KLRC1: variants seen among roughly 807,000 people sequenced by gnomAD.
The protein encoded by KLRC1 is NKG2-A/NKG2-B type II integral membrane protein.
In KLRC1, 22 loss-of-function variants were observed where a neutral mutation model predicts 25.9. The observed-to-expected ratio is 0.85, with a 90% CI of 0.61 to 1.21. The LOEUF (loss-of-function observed/expected upper bound fraction) is 1.21, where lower values mean the gene tolerates loss of function less well. Ranked by LOEUF, KLRC1 falls within the 50% of genes most tolerant of loss-of-function variation. The probability of loss-of-function intolerance (pLI) is 0.00; values close to 1 mark genes in which losing one functional copy is unlikely to be tolerated. For synonymous variants in KLRC1, 77 were observed against 93.1 expected, an observed-to-expected ratio of 0.83 and a Z score of 0.99; for missense variants, 240 against 272.2, an observed-to-expected ratio of 0.88 and a Z score of 0.83.
rs532389319 is a variant in KLRC1, at chr12:10,446,512, C to T, written c.*39G>A. 2 of 1,562,264 alleles carry T rather than the reference C, an allele frequency of 1.3e-6. No homozygotes were observed. Among genetic ancestry groups the T allele is most frequent in the African/African-American group, 1.4e-5 (1 of 73,058 alleles). On this transcript the variant is annotated 3_prime_UTR_variant, in exon 7 of 7. Coordinates refer to ENST00000359151, the MANE Select transcript of KLRC1 (RefSeq NM_002259.5). ...ATATATTTCTATTTTAAGAAATATA[C>T]AATTTATCTGATGCACTGCAAATGC...
chr12:10,449,460 C>T lies in KLRC1; in HGVS notation c.338-72G>A, dbSNP rs914712767. The T allele has an allele frequency of 4.4e-6, 7 of 1,584,038 alleles. No individual in the cohort carries two copies. In the Admixed American group the frequency reaches 1.3e-4, roughly 28 times the overall value. On this transcript the variant is annotated intron_variant, in intron 4 of 6. Coordinates refer to ENST00000359151, the MANE Select transcript of KLRC1 (RefSeq NM_002259.5). ...AAATGAAAATTAGTTCACATATTTG[C>T]AAACATATAAACCTATACGTATGCA...
At chr12:10,448,079 T>C (rs1864031564) in intron 5 of KLRC1, among the ~76,000 whole-genome samples, 1 of 152,198 alleles carries the variant, frequency 6.6e-6, no homozygotes, top group Non-Finnish European at 1.5e-5. Flanking sequence ...CTTTTTTATC[T>C]GATTTGGTTT....
chr12:10,447,050 GA>G (rs918672582), intron 6 of KLRC1, among the ~76,000 whole-genome samples: 3 of 152,074 alleles, frequency 2.0e-5, no homozygotes, highest in Non-Finnish European at 4.4e-5. Flanking sequence ...ATATTCTTAA[GA>G]AAAAAAGTAA....
rs560652029 is a variant in KLRC1 at position 10,450,546 on chromosome 12, C to T, written c.221G>A (p.Gly74Glu). Reference sequence around the variant, plus strand: ...GATAAGACAGATAATTCCCAGGATCCCAACAATGAGCTTCTCTGGAGCTGA... The same window carrying T: ...GATAAGACAGATAATTCCCAGGATCTCAACAATGAGCTTCTCTGGAGCTGA... ...LPSAPEKLIVGILGIICLILM... is the reference protein window; with the variant it reads ...LPSAPEKLIVEILGIICLILM... The change falls in exon 3 of 7, where the codon GGG (glycine) becomes GAG (glutamate). Residue 74 changes from glycine (G) to glutamate (E), a missense_variant. Coordinates refer to ENST00000359151, the MANE Select transcript of KLRC1 (RefSeq NM_002259.5). 1.2e-6 allele frequency: 2 copies of T among 1,611,300 alleles called. No homozygotes were observed. The highest frequency in any genetic ancestry group is 1.3e-5 in the African/African-American group (1 of 74,932).
At chr12:10,448,265 G>A (rs1282096346) in intron 5 of KLRC1, among the ~76,000 whole-genome samples, 1 of 152,178 alleles carries the variant, frequency 6.6e-6, no homozygotes, top group Non-Finnish European at 1.5e-5. Context: ...GATCAACCAA[G>A]TGTCCGAGCG....
intron 3 of KLRC1, 100 bp downstream of exon 3, chr12:10,450,384 T>C: frequency 1.5e-6 from 1 of 686,264 alleles, no homozygotes; most frequent in South Asian, 1.9e-5. Flanking sequence ...AATATATACA[T>C]TACAATGAGA....
intron 1 of KLRC1, among the ~76,000 whole-genome samples, chr12:10,451,467 C>T (rs892466077): frequency 6.6e-6 from 1 of 152,196 alleles, no homozygotes. Flanking sequence ...ACCATCCTGG[C>T]TAACACGGTG....
rs750018164 is a variant in KLRC1 at position 10,450,529 on chromosome 12, A to G, written c.238T>C (p.Cys80Arg). The change falls in exon 3 of 7, where the codon TGT becomes CGT. Residue 80 changes from cysteine (C) to arginine (R), a missense_variant. Coordinates refer to ENST00000359151, the MANE Select transcript of KLRC1 (RefSeq NM_002259.5). ...ACCACAGAGGCCATTAAGATAAGACAGATAATTCCCAGGATCCCAACAATG... is the reference window on the plus strand; with the variant it reads ...ACCACAGAGGCCATTAAGATAAGACGGATAATTCCCAGGATCCCAACAATG... ...KLIVGILGII[C>R]LILMASVVTI... 6.2e-7 allele frequency: 1 copy of G among 1,611,874 alleles called. No homozygotes were observed. The highest frequency in any genetic ancestry group is 8.5e-7 in the Non-Finnish European group (1 of 1,178,056).
chr12:10,450,553 T>C lies in KLRC1; in HGVS notation c.214A>G (p.Ile72Val), dbSNP rs778954098. 3 of 1,609,050 alleles carry C rather than the reference T, an allele frequency of 1.9e-6. No individual in the cohort carries two copies. The highest frequency in any genetic ancestry group is 2.6e-6 in the Non-Finnish European group (3 of 1,175,738). The change falls in exon 3 of 7, where the codon ATT (isoleucine) becomes GTT (valine). Residue 72 changes from isoleucine to valine, a missense_variant. Coordinates refer to ENST00000359151, the MANE Select transcript of KLRC1 (RefSeq NM_002259.5). ...CAGATAATTCCCAGGATCCCAACAA[T>C]GAGCTTCTCTGGAGCTGATGGTAAA... ...KDLPSAPEKL[I>V]VGILGIICLI... is the part of the protein sequence containing the mutation.
chr12:10,448,336 C>A (rs998831177), intron 5 of KLRC1, among the ~76,000 whole-genome samples: 1 of 152,166 alleles, frequency 6.6e-6, no homozygotes, highest in African/African-American at 2.4e-5. Flanking sequence ...TTCCCTACAC[C>A]CAACCTGGCA....
At chr12:10,451,341 T>C in intron 1 of KLRC1, 154 bp from the exon 2 acceptor site, 1 of 453,472 alleles carries the variant, frequency 2.2e-6, no homozygotes, top group Non-Finnish European at 3.6e-6. Flanking sequence ...CTAAACACGT[T>C]TCTTATGAAT....
At position 10,451,173 on chromosome 12, in the gene KLRC1, G is replaced by A; in HGVS notation, c.-17C>T. 3 of 1,603,108 alleles carry A rather than the reference G, an allele frequency of 1.9e-6. No homozygotes were observed. The highest frequency in any genetic ancestry group is 1.1e-5 in the South Asian group (1 of 89,246). Reference sequence around the variant, plus strand: ...GTTATCCATCTCTGCAGTGTGTGATGTCAGGGACTGTACTCTATAATAACA... The same window carrying A: ...GTTATCCATCTCTGCAGTGTGTGATATCAGGGACTGTACTCTATAATAACA... On this transcript the variant is annotated 5_prime_UTR_variant, in exon 2 of 7. Coordinates refer to ENST00000359151, the MANE Select transcript of KLRC1 (RefSeq NM_002259.5).
chr12:10,453,562 GA>G (rs1364891125), upstream of KLRC1, among the ~76,000 whole-genome samples: 1 of 139,338 alleles, frequency 7.2e-6, no homozygotes, highest in Non-Finnish European at 1.5e-5. Context: ...GTGCCTATGA[GA>G]ATTTTTTTTT....
upstream of KLRC1, chr12:10,454,666 C>T (rs539551170): frequency 6.2e-5 from 61 of 978,840 alleles, 1 homozygote; most frequent in South Asian, 2.7e-3. Context: ...TGAATCTCCA[C>T]TCAAACTCCT....
intron 1 of KLRC1, among the ~76,000 whole-genome samples, chr12:10,452,955 C>T (rs536767897): frequency 7.5e-4 from 114 of 152,232 alleles, no homozygotes; most frequent in Non-Finnish European, 1.2e-3. Context: ...ATAGCTTTCC[C>T]TTAAACGATA....
chr12:10,450,606 C>T (rs373817300), intron 2 of KLRC1, 27 bp from the exon 3 acceptor site: 12 of 1,387,536 alleles, frequency 8.6e-6, no homozygotes, highest in Admixed American at 1.7e-5. Context: ...GGGAACAGTG[C>T]GAAAGGAGAG....
chr12:10,448,824 T>G (rs948719329), intron 5 of KLRC1, among the ~76,000 whole-genome samples: 1 of 152,014 alleles, frequency 6.6e-6, no homozygotes, highest in Admixed American at 6.5e-5. Flanking sequence ...GTCAAGACAG[T>G]GTTTTGGAGA....
In KLRC1 at chr12:10,446,351, T is replaced by C. The variant is rs576235825; in HGVS notation, c.*200A>G. 1.1e-3 allele frequency: 1,415 copies of C among 1,337,676 alleles called. 19 individuals carry two copies. The highest frequency in any genetic ancestry group is 1.1e-4 in the Non-Finnish European group (112 of 1,037,892). 82.9% of individuals were successfully genotyped at this position (1,337,676 alleles called of 1,614,324 possible). A position where few individuals can be genotyped will look rare whatever the true frequency, so the allele number is the denominator to read the frequency against. On this transcript the variant is annotated 3_prime_UTR_variant, in exon 7 of 7. Coordinates refer to ENST00000359151, the MANE Select transcript of KLRC1 (RefSeq NM_002259.5). ...AAGGCTGAAAACCACAAATACCATG[T>C]TGAGCAAAATGAGCCCGACACAAAT...
chr12:10,445,626 A>G (rs1404512279), downstream of KLRC1, among the ~76,000 whole-genome samples: 6 of 152,322 alleles, frequency 3.9e-5, no homozygotes, highest in African/African-American at 1.4e-4. Flanking sequence ...GATTAAAAAA[A>G]TAAAAGTGTG....
Sources: gnomAD v4.1 joint callset for allele counts (sites outside exome capture counted in the v4.1 genomes callset) on GRCh38, gnomAD v4.1.1 for gene constraint, MANE v1.5 for transcripts, NCBI Gene and HGNC (gene_info 2026-07-23, HGNC 2026-07-21) for gene names.